The following CYP7B1 variants were observed in gnomAD, a reference collection of about 807,000 sequenced individuals.
CYP7B1 encodes the protein cytochrome P450 family 7 subfamily B member 1, also known as cytochrome P450 7B1.
In CYP7B1, 29 loss-of-function variants were observed where a neutral mutation model predicts 42.7. The ratio of observed to expected loss-of-function variants is 0.68; its 90% CI spans 0.51 to 0.93. The LOEUF (loss-of-function observed/expected upper bound fraction) is 0.93. Among genes scored for constraint, CYP7B1 ranks in the 40% least tolerant of loss-of-function variants. CYP7B1 has a pLI of 0.00. For synonymous variants in CYP7B1, 235 were observed against 218.2 expected (o/e 1.08, Z -0.68); for missense variants, 655 against 600.5 (o/e 1.09, Z -0.95).
At chr8:64,729,516 G>A (rs774005761) in intron 1 of CYP7B1, among the ~76,000 whole-genome samples, 6 of 152,224 alleles carry the variant, frequency 3.9e-5, no homozygotes, top group Admixed American at 6.5e-5. Context: ...ATTGTTTGTC[G>A]AGGCGTTAAA....
intron 1 of CYP7B1, among the ~76,000 whole-genome samples, chr8:64,749,697 G>T (rs1053550465): frequency 2.6e-5 from 4 of 152,150 alleles, no homozygotes; most frequent in African/African-American, 9.7e-5. Flanking sequence ...ATGGCACTTT[G>T]TAATTCCCTG....
intron 1 of CYP7B1, among the ~76,000 whole-genome samples, chr8:64,763,732 C>T (rs886757949): frequency 1.1e-4 from 17 of 152,176 alleles, no homozygotes; most frequent in Admixed American, 7.8e-4. Flanking sequence ...AAGCCGAGGC[C>T]GCCTAGAGGC....
chr8:64,711,376 T>C lies in CYP7B1; in HGVS notation c.123-86837A>G, dbSNP rs1470852333. 3.9e-5 allele frequency among the ~76,000 whole-genome samples: 6 copies of C among 152,280 alleles called. No individual in the cohort carries two copies. The East Asian group carries it at 9.6e-4, about 24-fold the overall frequency. Reference sequence around the variant, plus strand: ...TCTCCTGCTTGGTGGCCTCACTGCCTGGGACCAGTCACTGCAGAGAAGCCC... The same window carrying C: ...TCTCCTGCTTGGTGGCCTCACTGCCCGGGACCAGTCACTGCAGAGAAGCCC... On this transcript the variant is annotated intron_variant, in intron 1 of 5. Coordinates refer to ENST00000310193, the MANE Select transcript of CYP7B1 (RefSeq NM_004820.5).
chr8:64,616,435 C>G (rs1008654531), intron 2 of CYP7B1, among the ~76,000 whole-genome samples, 154 bp from the exon 3 acceptor site: 1 of 152,150 alleles, frequency 6.6e-6, no homozygotes, highest in Non-Finnish European at 1.5e-5. Flanking sequence ...CGAAGGTACA[C>G]TACATGTTTC....
chr8:64,639,337 T>C lies in CYP7B1; in HGVS notation c.123-14798A>G, dbSNP rs112582547. Among the ~76,000 whole-genome samples the C allele has an allele frequency of 3.3e-3, 503 of 152,212 alleles. 8 individuals are homozygous for C. Among genetic ancestry groups the C allele is most frequent in the African/African-American group, 0.012 (491 of 41,556 alleles). On this transcript the variant is annotated intron_variant, in intron 1 of 5. Transcript: ENST00000310193. ...GTATGAAAGAATTAAGTAGTGTATA[T>C]ATATTGAAATATATAGATGCTGATG...
intron 1 of CYP7B1, among the ~76,000 whole-genome samples, chr8:64,709,215 C>T (rs1184286166): frequency 2.0e-5 from 3 of 152,118 alleles, no homozygotes; most frequent in East Asian, 3.9e-4. Context: ...GAGGAAGAAC[C>T]AAAATATAAT....
In CYP7B1 at chr8:64,746,464, T is replaced by A. The variant is rs189987302; in HGVS notation, c.122+52002A>T. Among the ~76,000 whole-genome samples, 12 of 152,318 alleles carry A rather than the reference T, an allele frequency of 7.9e-5. No homozygotes were observed. The East Asian group carries it at 1.7e-3, about 22-fold the overall frequency. On this transcript the variant is annotated intron_variant, in intron 1 of 5. Coordinates refer to ENST00000310193, the MANE Select transcript of CYP7B1 (RefSeq NM_004820.5). ...AGAATATATTAAAATATATTTTGCATTCAGTTAGTTGCAATGACTGTGAAG... is the reference window on the plus strand; with the variant it reads ...AGAATATATTAAAATATATTTTGCAATCAGTTAGTTGCAATGACTGTGAAG...
chr8:64,662,153 A>G, intron 1 of CYP7B1, among the ~76,000 whole-genome samples: 1 of 152,010 alleles, frequency 6.6e-6, no homozygotes. Flanking sequence ...ACAACATAGC[A>G]AGACCTCCAT....
In CYP7B1 at chr8:64,615,686, C is replaced by G. The variant is rs202155727; in HGVS notation, c.850+5G>C. On this transcript the variant is annotated splice_donor_5th_base_variant and intron_variant, in intron 3 of 5. Transcript: ENST00000310193. Reference sequence around the variant, plus strand: ...TTAGGCAAGTGCTCATTCAGAAGTTCTTACCTCCTATTTCAAGGTCCTCGT... The same window carrying G: ...TTAGGCAAGTGCTCATTCAGAAGTTGTTACCTCCTATTTCAAGGTCCTCGT... 9.5e-5 allele frequency: 154 copies of G among 1,612,714 alleles called. No homozygotes were observed. The highest frequency in any genetic ancestry group is 1.3e-4 in the Non-Finnish European group (152 of 1,179,008).
At chr8:64,690,191 G>A (rs1806717661) in intron 1 of CYP7B1, among the ~76,000 whole-genome samples, 1 of 152,118 alleles carries the variant, frequency 6.6e-6, no homozygotes, top group Non-Finnish European at 1.5e-5. Context: ...TGAGCCCAAA[G>A]GTAGAGACCA....
downstream of CYP7B1, among the ~76,000 whole-genome samples, chr8:64,590,068 T>G (rs1805014798): frequency 6.6e-6 from 1 of 152,238 alleles, no homozygotes; most frequent in Admixed American, 6.5e-5. Flanking sequence ...ACATGATCAT[T>G]GCTAATTCTG....
At chr8:64,740,932 AAATAATACC>A (rs1807558392) in intron 1 of CYP7B1, among the ~76,000 whole-genome samples, 1 of 152,180 alleles carries the variant, frequency 6.6e-6, no homozygotes, top group Non-Finnish European at 1.5e-5. Context: ...TTTAAGGACA[AAATAATACC>A]AATTCTGTAT....
chr8:64,677,657 C>T (rs929443348), intron 1 of CYP7B1, among the ~76,000 whole-genome samples: 3 of 144,152 alleles, frequency 2.1e-5, no homozygotes, highest in African/African-American at 7.7e-5. Flanking sequence ...AAAATATTCC[C>T]AAAGGTAATG....
At chr8:64,597,984 A>G (rs1236610552) in intron 5 of CYP7B1, among the ~76,000 whole-genome samples, 1 of 152,244 alleles carries the variant, frequency 6.6e-6, no homozygotes, top group Non-Finnish European at 1.5e-5. Flanking sequence ...TTCTGAATTC[A>G]TCACAAATGA....
At chr8:64,747,879 A>C (rs1188009360) in intron 1 of CYP7B1, among the ~76,000 whole-genome samples, 1 of 152,104 alleles carries the variant, frequency 6.6e-6, no homozygotes, top group African/African-American at 2.4e-5. Flanking sequence ...AAGTATAAAG[A>C]CAACATAGAG....
chr8:64,702,076 C>A (rs1806925575), intron 1 of CYP7B1, among the ~76,000 whole-genome samples: 1 of 151,986 alleles, frequency 6.6e-6, no homozygotes, highest in South Asian at 2.1e-4. Context: ...GGAGAACCAG[C>A]ATTAGACTGA....
intron 4 of CYP7B1, among the ~76,000 whole-genome samples, chr8:64,606,315 G>A (rs962454849): frequency 6.6e-6 from 1 of 152,234 alleles, no homozygotes; most frequent in South Asian, 2.1e-4. Context: ...AGAACACCAA[G>A]GACCAACATT....
chr8:64,792,316 T>C (rs1804632061), intron 1 of CYP7B1, among the ~76,000 whole-genome samples: 1 of 152,138 alleles, frequency 6.6e-6, no homozygotes, highest in South Asian at 2.1e-4. Context: ...AACCAGGAAT[T>C]GATGATTTGG....
intron 1 of CYP7B1, among the ~76,000 whole-genome samples, chr8:64,716,479 G>T (rs996349291): frequency 1.3e-5 from 2 of 152,098 alleles, no homozygotes; most frequent in African/African-American, 4.8e-5. Context: ...GGCCGAGGCG[G>T]GCAGATCACC....
Sources: gnomAD v4.1 joint callset for allele counts (sites outside exome capture counted in the v4.1 genomes callset) on GRCh38, gnomAD v4.1.1 for gene constraint, MANE v1.5 for transcripts, NCBI Gene and HGNC (gene_info 2026-07-23, HGNC 2026-07-21) for gene names.